The following MAPKAP1 variants were observed in gnomAD, a reference collection of about 807,000 sequenced individuals.
The protein encoded by MAPKAP1 is MAPK associated protein 1, also known as target of rapamycin complex 2 subunit MAPKAP1.
A neutral mutation model predicts 65.7 loss-of-function variants in MAPKAP1; 20 were observed. That is an observed-to-expected ratio of 0.30 (90% confidence interval 0.21 to 0.44). The LOEUF is 0.44. MAPKAP1 is among the 20% of genes least tolerant of loss of function. The pLI is 1.00. For missense variants in MAPKAP1, 423 were observed against 648.0 expected (o/e 0.65, Z 3.77); for synonymous variants, 222 against 244.3 (o/e 0.91, Z 0.85).
At chr9:125,559,181 A>T (rs942525665) in intron 6 of MAPKAP1, 1 of 152,908 alleles carries the variant, frequency 6.5e-6, no homozygotes, top group African/African-American at 2.4e-5. Context: ...ACAAAAAAAA[A>T]GCTGAAGACA....
intron 3 of MAPKAP1, 57 bp from the exon 4 acceptor site, chr9:125,657,856 C>T (rs1834075478): frequency 6.4e-7 from 1 of 1,553,508 alleles, no homozygotes; most frequent in South Asian, 1.2e-5. Flanking sequence ...AACTTGTCCA[C>T]CTTCCCTAAA....
intron 3 of MAPKAP1, among the ~76,000 whole-genome samples, chr9:125,667,140 C>T (rs1377287711): frequency 6.6e-6 from 1 of 152,156 alleles, no homozygotes; most frequent in African/African-American, 2.4e-5. Flanking sequence ...GGTGACATAA[C>T]TATTTCTCCA....
chr9:125,701,668 T>C (rs1370884953), intron 1 of MAPKAP1, among the ~76,000 whole-genome samples: 2 of 152,216 alleles, frequency 1.3e-5, no homozygotes, highest in African/African-American at 2.4e-5. Flanking sequence ...CATAGGACTA[T>C]GAAGACTAAA....
At chr9:125,615,690 A>C (rs1303807667) in intron 4 of MAPKAP1, among the ~76,000 whole-genome samples, 2 of 152,202 alleles carry the variant, frequency 1.3e-5, no homozygotes, top group Non-Finnish European at 2.9e-5. Flanking sequence ...AGGTGAGTGG[A>C]TAACTTGAGG....
chr9:125,442,053 C>T (rs968643017), intron 11 of MAPKAP1, among the ~76,000 whole-genome samples: 11 of 134,942 alleles, frequency 8.2e-5, no homozygotes, highest in South Asian at 7.5e-4. Flanking sequence ...CACTTGAACC[C>T]GGGAGGTGGA....
At chr9:125,511,954 G>T (rs888274532) in intron 7 of MAPKAP1, among the ~76,000 whole-genome samples, 13 of 152,142 alleles carry the variant, frequency 8.5e-5, no homozygotes, top group Admixed American at 8.5e-4. Flanking sequence ...GAATGGCCTA[G>T]GAACAAAATA....
At chr9:125,451,675 T>A (rs1852955016) in intron 10 of MAPKAP1, among the ~76,000 whole-genome samples, 1 of 152,162 alleles carries the variant, frequency 6.6e-6, no homozygotes, top group African/African-American at 2.4e-5. Flanking sequence ...TCTCCTAGTT[T>A]TCACGTTTAT....
At chr9:125,596,328 T>C (rs1270024036) in intron 4 of MAPKAP1, 8 of 762,814 alleles carry the variant, frequency 1.0e-5, no homozygotes, top group Non-Finnish European at 1.9e-5. Context: ...TGGAGGAAAC[T>C]TCAGTGGTTG....
At chr9:125,692,907 A>G (rs1372282561) in intron 1 of MAPKAP1, among the ~76,000 whole-genome samples, 1 of 152,196 alleles carries the variant, frequency 6.6e-6, no homozygotes, top group African/African-American at 2.4e-5. Context: ...GAAAAAGAGA[A>G]CTGTCATATA....
chr9:125,441,487 T>TG (rs1290275174), intron 11 of MAPKAP1, among the ~76,000 whole-genome samples: 1 of 152,218 alleles, frequency 6.6e-6, no homozygotes, highest in Non-Finnish European at 1.5e-5. Flanking sequence ...TGCATGTAGC[T>TG]GGTGTTCAAT....
chr9:125,511,702 G>T (rs1430617718), intron 7 of MAPKAP1, among the ~76,000 whole-genome samples: 4 of 152,136 alleles, frequency 2.6e-5, no homozygotes, highest in Non-Finnish European at 4.4e-5. Context: ...TTTTGCCAAA[G>T]AAATGATTAT....
intron 1 of MAPKAP1, among the ~76,000 whole-genome samples, chr9:125,681,709 A>C (rs1418434142): frequency 6.6e-6 from 1 of 152,216 alleles, no homozygotes; most frequent in Non-Finnish European, 1.5e-5. Context: ...GTAACACACC[A>C]TAAGAAATTT....
At chr9:125,490,466 G>T (rs1187766328) in intron 8 of MAPKAP1, among the ~76,000 whole-genome samples, 1 of 152,022 alleles carries the variant, frequency 6.6e-6, no homozygotes, top group African/African-American at 2.4e-5. Context: ...TTACACCCGG[G>T]AGGCAGAGGT....
At chr9:125,467,527 A>G (rs765303729) in intron 10 of MAPKAP1, among the ~76,000 whole-genome samples, 1 of 152,172 alleles carries the variant, frequency 6.6e-6, no homozygotes, top group Non-Finnish European at 1.5e-5. Flanking sequence ...CATGATGGAT[A>G]TATCTAAATC....
chr9:125,649,142 G>A (rs1238550194), intron 4 of MAPKAP1, among the ~76,000 whole-genome samples: 1 of 152,130 alleles, frequency 6.6e-6, no homozygotes, highest in Non-Finnish European at 1.5e-5. Context: ...CCCAGGATGA[G>A]AAGGCTGAAT....
intron 10 of MAPKAP1, among the ~76,000 whole-genome samples, chr9:125,452,307 T>C (rs1852986522): frequency 6.6e-6 from 1 of 151,696 alleles, no homozygotes; most frequent in Non-Finnish European, 1.5e-5. Context: ...CCATGTTGGC[T>C]AGGCTAGTCT....
intron 10 of MAPKAP1, among the ~76,000 whole-genome samples, chr9:125,445,539 C>T (rs1037790461): frequency 3.3e-5 from 5 of 152,382 alleles, no homozygotes; most frequent in African/African-American, 7.2e-5. Context: ...CACACGGTAC[C>T]GTGGCCCTCC....
At chr9:125,460,633 C>T (rs1853459908) in intron 10 of MAPKAP1, among the ~76,000 whole-genome samples, 1 of 152,172 alleles carries the variant, frequency 6.6e-6, no homozygotes, top group Admixed American at 6.5e-5. Flanking sequence ...GTTGATCCTT[C>T]TAGGGCCCAC....
At chr9:125,617,134 A>T (rs1449138335) in intron 4 of MAPKAP1, among the ~76,000 whole-genome samples, 4 of 152,216 alleles carry the variant, frequency 2.6e-5, no homozygotes, top group African/African-American at 9.7e-5. Flanking sequence ...TTATACCCCA[A>T]AATGTATTTC....
Sources: allele counts gnomAD v4.1 joint callset (sites outside exome capture counted in the v4.1 genomes callset), GRCh38; gene constraint gnomAD v4.1.1; transcripts MANE v1.5; gene names NCBI Gene and HGNC (gene_info 2026-07-23, HGNC 2026-07-21).